ELK3: variants seen among roughly 807,000 people sequenced by gnomAD.
The protein encoded by ELK3 is ETS domain-containing protein Elk-3.
ELK3 carries 10 observed loss-of-function variants against 28.9 expected under a neutral mutation model. The ratio of observed to expected loss-of-function variants is 0.35; its 90% CI spans 0.21 to 0.59. The LOEUF is 0.59. Among genes scored for constraint, ELK3 ranks in the 20% least tolerant of loss-of-function variants. ELK3 has a pLI of 0.82. For missense variants in ELK3, 463 were observed against 517.3 expected, an observed-to-expected ratio of 0.90 and a Z score of 1.02; for synonymous variants, 272 against 243.5, an observed-to-expected ratio of 1.12 and a Z score of -1.09.
chr12:96,253,482 T>G (rs1195776599), intron 3 of ELK3, among the ~76,000 whole-genome samples: 1 of 152,192 alleles, frequency 6.6e-6, no homozygotes, highest in East Asian at 1.9e-4. Flanking sequence ...GCTACAGACT[T>G]CTGTGGGATT....
intron 3 of ELK3, among the ~76,000 whole-genome samples, chr12:96,248,913 G>A (rs1951880379): frequency 2.6e-5 from 4 of 152,252 alleles, no homozygotes; most frequent in Non-Finnish European, 4.4e-5. Flanking sequence ...TTCAGATTTT[G>A]GAATATTTGC....
At chr12:96,214,131 A>G (rs972475499) in intron 1 of ELK3, among the ~76,000 whole-genome samples, 2 of 152,184 alleles carry the variant, frequency 1.3e-5, no homozygotes, top group African/African-American at 4.8e-5. Context: ...AGAGTTATTT[A>G]AAAAACATTG....
chr12:96,203,735 G>A (rs759257261), intron 1 of ELK3, among the ~76,000 whole-genome samples: 34 of 152,180 alleles, frequency 2.2e-4, no homozygotes, highest in Non-Finnish European at 4.1e-4. Context: ...GAGGTTAGAA[G>A]TTCGATACCA....
chr12:96,210,570 C>CAA (rs1157598951), intron 1 of ELK3, among the ~76,000 whole-genome samples: 3 of 150,308 alleles, frequency 2.0e-5, no homozygotes, highest in Non-Finnish European at 4.4e-5. Context: ...CGCACGCACA[C>CAA]ACACACACAC....
chr12:96,251,347 C>T (rs1592688673), intron 3 of ELK3, among the ~76,000 whole-genome samples: 1 of 152,090 alleles, frequency 6.6e-6, no homozygotes, highest in Non-Finnish European at 1.5e-5. Flanking sequence ...CAACTGCTCT[C>T]CTGTGTCTCC....
intron 1 of ELK3, among the ~76,000 whole-genome samples, chr12:96,216,517 C>T (rs1951619929): frequency 6.6e-6 from 1 of 152,204 alleles, no homozygotes; most frequent in Non-Finnish European, 1.5e-5. Context: ...TGAAGAGTCT[C>T]CCTGGATTTC....
intron 4 of ELK3, among the ~76,000 whole-genome samples, chr12:96,266,016 T>C (rs1007656877): frequency 6.6e-6 from 1 of 152,222 alleles, no homozygotes; most frequent in South Asian, 2.1e-4. Flanking sequence ...GCTTATTAGC[T>C]GTGTGACCTT....
chr12:96,221,536 T>C (rs985188219), intron 1 of ELK3, among the ~76,000 whole-genome samples: 3 of 152,192 alleles, frequency 2.0e-5, no homozygotes, highest in African/African-American at 7.2e-5. Context: ...TTCAAAGATA[T>C]GTTAAAGCTG....
chr12:96,230,499 T>G (rs544146490), intron 2 of ELK3, among the ~76,000 whole-genome samples: 5 of 152,132 alleles, frequency 3.3e-5, no homozygotes, highest in Non-Finnish European at 7.4e-5. Flanking sequence ...GCACAGCACC[T>G]AGATTCTGCA....
At chr12:96,258,716 C>T (rs1467946290) in intron 3 of ELK3, among the ~76,000 whole-genome samples, 1 of 152,184 alleles carries the variant, frequency 6.6e-6, no homozygotes, top group Admixed American at 6.5e-5. Context: ...TTCTTCTGCC[C>T]TCCTGCTGGC....
chr12:96,222,549 G>A (rs1350459025), intron 1 of ELK3, among the ~76,000 whole-genome samples: 3 of 152,170 alleles, frequency 2.0e-5, no homozygotes, highest in African/African-American at 2.4e-5. Flanking sequence ...AAGCATCCAC[G>A]GACTGGGCAG....
At chr12:96,196,503 CTT>C (rs1319193568) in intron 1 of ELK3, among the ~76,000 whole-genome samples, 3 of 152,074 alleles carry the variant, frequency 2.0e-5, no homozygotes, top group Non-Finnish European at 2.9e-5. Flanking sequence ...CCTCTGATCT[CTT>C]TTTCTTTCTC....
At position 96,194,722 on chromosome 12, in the gene ELK3, C is replaced by T. The variant is rs1265451036; in HGVS notation, c.-3+17C>T. 2.0e-5 allele frequency: 3 copies of T among 149,200 alleles called. No homozygotes were observed. Among genetic ancestry groups the T allele is most frequent in the Admixed American group, 2.0e-4 (3 of 14,952 alleles). The allele number at this position is 149,200 out of a possible 1,614,324, so 9.2% of individuals were successfully genotyped here. A position where few individuals can be genotyped will look rare whatever the true frequency, so the allele number is the denominator to read the frequency against. ...CACATCTGGGTAGGTAACAGGGCTT[C>T]TGCCTGTTGCTCGGACACTTAAAAA... On this transcript the variant is annotated intron_variant, in intron 1 of 4. Coordinates refer to ENST00000228741, the MANE Select transcript of ELK3 (RefSeq NM_005230.4).
At chr12:96,263,008 C>A (rs1422682415) in intron 4 of ELK3, among the ~76,000 whole-genome samples, 1 of 152,078 alleles carries the variant, frequency 6.6e-6, no homozygotes, top group Non-Finnish European at 1.5e-5. Flanking sequence ...AAACCTCTTT[C>A]ATGTACGCTA....
At position 96,267,660 on chromosome 12, in the gene ELK3, A is replaced by C. The variant is rs1952046966; in HGVS notation, c.*480A>C. On this transcript the variant is annotated 3_prime_UTR_variant, in exon 5 of 5. Transcript: ENST00000228741. The stretch of plus-strand genomic sequence containing the variant: ...GAAAATTAGTATCAAACAGCTCTCT[A>C]GTAGAATTTCATTATTTTTCACCAG... The C allele has an allele frequency of 6.5e-6, 1 of 152,812 alleles. No individual in the cohort carries two copies. The highest frequency in any genetic ancestry group is 2.4e-5 in the African/African-American group (1 of 41,464). 9.5% of individuals were successfully genotyped at this position (152,812 alleles called of 1,614,324 possible).
intron 1 of ELK3, among the ~76,000 whole-genome samples, chr12:96,204,489 G>A (rs1025783771): frequency 6.6e-6 from 1 of 152,192 alleles, no homozygotes; most frequent in Admixed American, 6.5e-5. Flanking sequence ...GTTTTGCCAA[G>A]GAGCAATTTG....
At chr12:96,245,766 C>A (rs1025642286) in intron 2 of ELK3, among the ~76,000 whole-genome samples, 3 of 152,088 alleles carry the variant, frequency 2.0e-5, no homozygotes, top group African/African-American at 7.2e-5. Flanking sequence ...CCAGTGGGTT[C>A]GGCAGGGAAT....
chr12:96,239,016 T>C (rs1349272205), intron 2 of ELK3, among the ~76,000 whole-genome samples: 1 of 152,192 alleles, frequency 6.6e-6, no homozygotes, highest in African/African-American at 2.4e-5. Context: ...GGGTTCAAAC[T>C]TCGGCTCCAC....
At chr12:96,201,851 A>G (rs186202378) in intron 1 of ELK3, among the ~76,000 whole-genome samples, 1 of 152,326 alleles carries the variant, frequency 6.6e-6, no homozygotes, top group Non-Finnish European at 1.5e-5. Context: ...CTTATTGAAT[A>G]AGGAACACTC....
Sources: allele counts gnomAD v4.1 joint callset (sites outside exome capture counted in the v4.1 genomes callset), GRCh38; gene constraint gnomAD v4.1.1; transcripts MANE v1.5; gene names NCBI Gene and HGNC (gene_info 2026-07-23, HGNC 2026-07-21).